Variants in NETO1 observed in about 807,000 individuals in gnomAD.
NETO1 encodes the protein neuropilin and tolloid like 1, also known as neuropilin and tolloid-like protein 1.
In NETO1, 26 loss-of-function variants were observed where a neutral mutation model predicts 61.3. The ratio of observed to expected loss-of-function variants is 0.42; its 90% confidence interval spans 0.31 to 0.59. The LOEUF is 0.59. Ranked by LOEUF, NETO1 falls within the 20% of genes least tolerant of loss-of-function variation. NETO1 has a pLI of 0.12. For missense variants in NETO1, 531 were observed against 662.8 expected (o/e 0.80, Z 2.18); for synonymous variants, 225 against 225.8 (o/e 1.00, Z 0.03).
intron 4 of NETO1, among the ~76,000 whole-genome samples, chr18:72,852,547 A>G (rs1446540833): frequency 6.6e-6 from 1 of 152,092 alleles, no homozygotes; most frequent in Non-Finnish European, 1.5e-5. Flanking sequence ...GAAACTTCTT[A>G]AAAATCTTCC....
intron 1 of NETO1, chr18:72,865,479 C>T: frequency 7.0e-7 from 1 of 1,431,322 alleles, no homozygotes; most frequent in Non-Finnish European, 9.7e-7. Flanking sequence ...ACTCCTAAGG[C>T]AAATACATCA....
chr18:72,789,965 T>A (rs181324530), intron 6 of NETO1, among the ~76,000 whole-genome samples: 1 of 152,304 alleles, frequency 6.6e-6, no homozygotes, highest in East Asian at 1.9e-4. Flanking sequence ...GAAATCTGTG[T>A]TCATTAGATA....
chr18:72,790,076 T>C (rs959281416), intron 6 of NETO1, among the ~76,000 whole-genome samples: 1 of 152,202 alleles, frequency 6.6e-6, no homozygotes, highest in African/African-American at 2.4e-5. Flanking sequence ...TTGAATTAGT[T>C]AACCACAAAT....
At chr18:72,827,799 G>A (rs1442795607) in intron 4 of NETO1, among the ~76,000 whole-genome samples, 2 of 151,984 alleles carry the variant, frequency 1.3e-5, no homozygotes, top group Admixed American at 1.3e-4. Flanking sequence ...GAAAGGGACA[G>A]TTGCTCTGAC....
At chr18:72,851,838 A>C (rs1373560601) in intron 4 of NETO1, among the ~76,000 whole-genome samples, 1 of 152,232 alleles carries the variant, frequency 6.6e-6, no homozygotes, top group African/African-American at 2.4e-5. Context: ...GATGTAATTA[A>C]AGTTATAATC....
chr18:72,805,957 T>G (rs2072662098), intron 4 of NETO1, among the ~76,000 whole-genome samples: 1 of 152,172 alleles, frequency 6.6e-6, no homozygotes, highest in African/African-American at 2.4e-5. Flanking sequence ...TCCACGTAAG[T>G]AAATCTTTTT....
intron 4 of NETO1, among the ~76,000 whole-genome samples, chr18:72,843,224 AT>A (rs1226778217): frequency 6.6e-6 from 1 of 152,220 alleles, no homozygotes; most frequent in Non-Finnish European, 1.5e-5. Flanking sequence ...GGTCATTAAT[AT>A]TGTTAACTTT....
chr18:72,828,656 A>G (rs775497657), intron 4 of NETO1, among the ~76,000 whole-genome samples: 14 of 152,228 alleles, frequency 9.2e-5, no homozygotes, highest in Non-Finnish European at 1.6e-4. Flanking sequence ...CAAAAGAAAT[A>G]AACAAAAGGA....
At chr18:72,827,893 T>TCTGAACTCCTGAC (rs2041236121) in intron 4 of NETO1, among the ~76,000 whole-genome samples, 2 of 152,226 alleles carry the variant, frequency 1.3e-5, no homozygotes, top group African/African-American at 4.8e-5. Flanking sequence ...GGAGGTCTTT[T>TCTGAACTCCTGAC]CTGCATCAAA....
chr18:72,845,841 G>A (rs1312760959), intron 4 of NETO1, among the ~76,000 whole-genome samples: 1 of 152,200 alleles, frequency 6.6e-6, no homozygotes, highest in East Asian at 1.9e-4. Context: ...CTTAAATTAA[G>A]AGTTGGCCCT....
intron 4 of NETO1, among the ~76,000 whole-genome samples, chr18:72,841,947 A>T (rs2073947977): frequency 6.6e-6 from 1 of 152,042 alleles, no homozygotes. Context: ...TGTGACTAAG[A>T]AAAAAGACAT....
intron 7 of NETO1, among the ~76,000 whole-genome samples, chr18:72,772,413 C>A (rs1158225665): frequency 1.3e-5 from 2 of 151,984 alleles, no homozygotes; most frequent in Non-Finnish European, 2.9e-5. Flanking sequence ...AGTCCAGAGT[C>A]TCCTTGTTTG....
At chr18:72,814,977 A>G (rs1016703832) in intron 4 of NETO1, among the ~76,000 whole-genome samples, 13 of 152,124 alleles carry the variant, frequency 8.5e-5, no homozygotes, top group African/African-American at 3.1e-4. Context: ...CAATTATTAT[A>G]AAAATACTAC....
chr18:72,784,878 C>T (rs1336109805), intron 6 of NETO1, among the ~76,000 whole-genome samples: 1 of 152,170 alleles, frequency 6.6e-6, no homozygotes, highest in Non-Finnish European at 1.5e-5. Context: ...CTGTTCAAGG[C>T]GTTGTGGATA....
intron 4 of NETO1, among the ~76,000 whole-genome samples, chr18:72,836,879 A>C (rs1203367018): frequency 6.6e-6 from 1 of 152,200 alleles, no homozygotes; most frequent in East Asian, 1.9e-4. Context: ...GGAGATAGCT[A>C]TTAAATTTGA....
Position 72,750,872 on chromosome 18 carries a change from T to TACACACACACACACACACACAC in NETO1, c.983-274_983-253dup, listed in dbSNP as rs142668353. The stretch of plus-strand genomic sequence containing the variant: ...CATTGCCCAGCATCTCAGCTTAAAA[T>TACACACACACACACACACACAC]ACACACACACACACACACACACACA... On this transcript the variant is annotated intron_variant, in intron 8 of 10. Transcript: ENST00000327305. Among the ~76,000 whole-genome samples the TACACACACACACACACACACAC allele has an allele frequency of 4.2e-4, 50 of 118,760 alleles. 1 individual carries two copies. Among genetic ancestry groups the TACACACACACACACACACACAC allele is most frequent in the Admixed American group, 1.7e-3 (18 of 10,384 alleles). 77.9% of individuals were successfully genotyped at this position (118,760 alleles called of 152,430 possible). A position where few individuals can be genotyped will look rare whatever the true frequency, so the allele number is the denominator to read the frequency against.
intron 1 of NETO1, chr18:72,865,496 C>A: frequency 6.6e-7 from 1 of 1,517,344 alleles, no homozygotes; most frequent in South Asian, 1.2e-5. Context: ...ATCATTCACT[C>A]TAAAGGCAAC....
chr18:72,845,218 C>T lies in NETO1; in HGVS notation c.469+13608G>A, dbSNP rs192547592. The stretch of plus-strand genomic sequence containing the variant: ...CCACCTGTGAAGTAATATAAGTAGC[C>T]TGACTGTATCATTAGGGAGAAAAAT... On this transcript the variant is annotated intron_variant, in intron 4 of 10. Coordinates refer to ENST00000327305, the MANE Select transcript of NETO1 (RefSeq NM_138966.5). Among the ~76,000 whole-genome samples, 16 of 152,256 alleles carry T rather than the reference C, an allele frequency of 1.1e-4. No homozygotes were observed. The East Asian group carries it at 2.9e-3, about 28-fold the overall frequency.
chr18:72,827,734 A>G (rs372373927), intron 4 of NETO1, among the ~76,000 whole-genome samples: 1 of 151,756 alleles, frequency 6.6e-6, no homozygotes, highest in African/African-American at 2.4e-5. Context: ...AAAAAAAAAA[A>G]AAAGAAAGGG....
Sources: gnomAD v4.1 joint callset for allele counts (sites outside exome capture counted in the v4.1 genomes callset) on GRCh38, gnomAD v4.1.1 for gene constraint, MANE v1.5 for transcripts, NCBI Gene and HGNC (gene_info 2026-07-23, HGNC 2026-07-21) for gene names.